The following ATRNL1 variants were observed in gnomAD, a reference collection of about 807,000 sequenced individuals.
The protein encoded by ATRNL1 is attractin like 1.
In ATRNL1, 95 loss-of-function variants were observed where a neutral mutation model predicts 182.7. That is an observed-to-expected ratio of 0.52 (90% CI 0.44 to 0.62). The LOEUF is 0.62. Among genes scored for constraint, ATRNL1 ranks in the 20% least tolerant of loss-of-function variants. ATRNL1 has a pLI of 0.00. For synonymous variants in ATRNL1, 576 were observed against 568.3 expected, an observed-to-expected ratio of 1.01 and a Z score of -0.19; for missense variants, 1,471 against 1,679.5, an observed-to-expected ratio of 0.88 and a Z score of 2.17.
rs1486912500 is a variant in ATRNL1 at position 115,577,935 on chromosome 10, GTTTC to G, written c.3795+28403_3795+28406del. On this transcript the variant is annotated intron_variant, in intron 26 of 28. Coordinates refer to ENST00000355044, the MANE Select transcript of ATRNL1 (RefSeq NM_207303.4). ...GTTCAAGAAATTTCCTTCTGTACCT[GTTTC>G]TTTAATATTAAAAAAAATCATGAAC... 6.0e-5 allele frequency among the ~76,000 whole-genome samples: 9 copies of G among 151,140 alleles called. No individual in the cohort carries two copies. In the Admixed American group the frequency reaches 6.0e-4, roughly 10 times the overall value.
chr10:115,887,778 A>G (rs144654968), intron 28 of ATRNL1, among the ~76,000 whole-genome samples: 1,995 of 150,378 alleles, frequency 0.013, 149 homozygotes, highest in Admixed American at 0.11. Flanking sequence ...TACCCCCCAT[A>G]TCTAATTTAT....
intron 26 of ATRNL1, among the ~76,000 whole-genome samples, chr10:115,606,153 C>T (rs78018150): frequency 0.02 from 3,024 of 151,974 alleles, 135 homozygotes; most frequent in Admixed American, 0.11. Flanking sequence ...TGCAAATGTA[C>T]ACTGTTGTAT....
intron 7 of ATRNL1, among the ~76,000 whole-genome samples, chr10:115,168,114 T>C (rs893441278): frequency 3.9e-5 from 6 of 152,172 alleles, no homozygotes; most frequent in African/African-American, 1.4e-4. Flanking sequence ...ATATTTCACT[T>C]AGCATAATTT....
intron 19 of ATRNL1, among the ~76,000 whole-genome samples, chr10:115,372,879 AG>A (rs1316595804): frequency 6.6e-6 from 1 of 151,996 alleles, no homozygotes; most frequent in Non-Finnish European, 1.5e-5. Flanking sequence ...CCATAATTTT[AG>A]GGTTGTGTTT....
chr10:115,266,049 A>G (rs1481734006), intron 11 of ATRNL1, among the ~76,000 whole-genome samples: 1 of 151,892 alleles, frequency 6.6e-6, no homozygotes, highest in Non-Finnish European at 1.5e-5. Context: ...ACTGTGAAAC[A>G]TAAAACCTCC....
chr10:115,270,124 A>G lies in ATRNL1; in HGVS notation c.2100+1680A>G, dbSNP rs1014312990. ...TTCATCTAATGGGAGTTATTTTAGT[A>G]GAAGTCGGAGTTAAATAAAATAAGA... is the stretch of plus-strand genomic sequence containing the variant. On this transcript the variant is annotated intron_variant, in intron 13 of 28. Transcript: ENST00000355044. 3.0e-4 allele frequency among the ~76,000 whole-genome samples: 45 copies of G among 151,092 alleles called. No homozygotes were observed. The Admixed American group carries it at 3.0e-3, about 10-fold the overall frequency.
At chr10:115,375,133 T>G (rs890703175) in intron 19 of ATRNL1, among the ~76,000 whole-genome samples, 2 of 151,884 alleles carry the variant, frequency 1.3e-5, no homozygotes, top group Non-Finnish European at 2.9e-5. Flanking sequence ...GATCTATTAA[T>G]ATTTTCTTTA....
At chr10:115,662,124 C>A (rs564029962) in intron 26 of ATRNL1, among the ~76,000 whole-genome samples, 39 of 151,940 alleles carry the variant, frequency 2.6e-4, no homozygotes, top group Admixed American at 2.6e-3. Flanking sequence ...TTTTTTATGG[C>A]TGCATAGTAT....
intron 5 of ATRNL1, among the ~76,000 whole-genome samples, chr10:115,150,991 G>A (rs575665087): frequency 1.5e-4 from 23 of 152,220 alleles, no homozygotes; most frequent in Admixed American, 9.2e-4. Context: ...CTGTCCTTGC[G>A]ATAGTTTGCT....
At chr10:115,334,243 A>G (rs1855375015) in intron 18 of ATRNL1, 39 bp from the exon 19 acceptor site, 2 of 1,331,436 alleles carry the variant, frequency 1.5e-6, no homozygotes, top group African/African-American at 1.5e-5. Flanking sequence ...ACTTGATATT[A>G]TGTTAGATAT....
intron 13 of ATRNL1, among the ~76,000 whole-genome samples, chr10:115,279,033 T>A (rs1430000382): frequency 6.6e-6 from 1 of 151,744 alleles, no homozygotes; most frequent in Non-Finnish European, 1.5e-5. Flanking sequence ...AAACCCTGTC[T>A]CTACTAAAAA....
intron 8 of ATRNL1, among the ~76,000 whole-genome samples, chr10:115,194,679 G>A (rs559056721): frequency 1.1e-4 from 16 of 151,206 alleles, no homozygotes; most frequent in Non-Finnish European, 1.9e-4. Context: ...AATTTAGTCC[G>A]TTTACATTCA....
At chr10:115,765,978 C>A (rs1565359944) in intron 27 of ATRNL1, among the ~76,000 whole-genome samples, 1 of 13,092 alleles carries the variant, frequency 7.6e-5, no homozygotes, top group African/African-American at 8.5e-5. Flanking sequence ...CATCCTTTCC[C>A]CCCCCCGGCT....
chr10:115,298,899 G>T (rs1853334581), intron 15 of ATRNL1, among the ~76,000 whole-genome samples: 1 of 151,936 alleles, frequency 6.6e-6, no homozygotes, highest in African/African-American at 2.4e-5. Flanking sequence ...TTTGTTGAGT[G>T]TTTACTATGT....
Position 115,394,104 on chromosome 10 carries a change from T to C in ATRNL1, c.3176-555T>C, listed in dbSNP as rs192440829. Among the ~76,000 whole-genome samples, 18 of 152,154 alleles carry C rather than the reference T, an allele frequency of 1.2e-4. No individual in the cohort carries two copies. The East Asian group carries it at 3.5e-3, about 29-fold the overall frequency. ...ATGTTTTTATTATTCTTACCAGTAG[T>C]AATAACAGTGGAAGTAATATCTGCC... On this transcript the variant is annotated intron_variant, in intron 19 of 28. Coordinates refer to ENST00000355044, the MANE Select transcript of ATRNL1 (RefSeq NM_207303.4).
At chr10:115,197,614 A>G (rs782382116) in intron 8 of ATRNL1, among the ~76,000 whole-genome samples, 1 of 152,120 alleles carries the variant, frequency 6.6e-6, no homozygotes, top group African/African-American at 2.4e-5. Flanking sequence ...CTGTGTATAT[A>G]CAGTTGTCCC....
chr10:115,145,345 C>T (rs763703939), intron 5 of ATRNL1, among the ~76,000 whole-genome samples: 6 of 151,868 alleles, frequency 4.0e-5, no homozygotes, highest in Non-Finnish European at 8.8e-5. Context: ...TTCTGCAGCC[C>T]AAAAAGAGTA....
chr10:115,479,918 T>C (rs1418643615), intron 24 of ATRNL1, among the ~76,000 whole-genome samples: 2 of 151,338 alleles, frequency 1.3e-5, no homozygotes, highest in Admixed American at 6.6e-5. Context: ...TTAAATTAAA[T>C]TAGATTGACT....
At chr10:115,469,899 C>T (rs568607666) in intron 24 of ATRNL1, among the ~76,000 whole-genome samples, 1 of 150,516 alleles carries the variant, frequency 6.6e-6, no homozygotes, top group South Asian at 2.1e-4. Flanking sequence ...TTCTTTCTAT[C>T]TTATAGTCAA....
Sources: gnomAD v4.1 joint callset for allele counts (sites outside exome capture counted in the v4.1 genomes callset) on GRCh38, gnomAD v4.1.1 for gene constraint, MANE v1.5 for transcripts, NCBI Gene and HGNC (gene_info 2026-07-23, HGNC 2026-07-21) for gene names.